The following GSK3B variants were observed in gnomAD, a reference collection of about 807,000 sequenced individuals.
GSK3B encodes the protein glycogen synthase kinase 3 beta.
In GSK3B, 15 loss-of-function variants were observed where a neutral mutation model predicts 56.4. The ratio of observed to expected loss-of-function variants is 0.27; its 90% confidence interval spans 0.18 to 0.41. The LOEUF is 0.41. GSK3B is among the 10% of genes least tolerant of loss of function. GSK3B has a pLI of 1.00. For synonymous variants in GSK3B, 181 were observed against 188.9 expected (o/e 0.96, Z 0.34); for missense variants, 300 against 513.4 (o/e 0.58, Z 4.02).
chr3:120,089,682 A>C (rs1041219348), intron 1 of GSK3B, among the ~76,000 whole-genome samples: 9 of 152,232 alleles, frequency 5.9e-5, no homozygotes, highest in Non-Finnish European at 1.3e-4. Context: ...TATTAAACCT[A>C]AACAACTAGC....
chr3:119,844,153 C>A (rs1465045508), intron 9 of GSK3B, among the ~76,000 whole-genome samples: 3 of 152,152 alleles, frequency 2.0e-5, no homozygotes, highest in South Asian at 2.1e-4. Context: ...ATACCAGAAT[C>A]TCTGGGACAC....
intron 7 of GSK3B, among the ~76,000 whole-genome samples, chr3:119,904,092 A>G (rs1365648668): frequency 6.6e-6 from 1 of 151,916 alleles, no homozygotes; most frequent in Non-Finnish European, 1.5e-5. Flanking sequence ...AAATAAAAAT[A>G]AAAAAAAGAC....
chr3:119,869,691 T>A (rs1281109219), intron 8 of GSK3B, among the ~76,000 whole-genome samples: 1 of 152,210 alleles, frequency 6.6e-6, no homozygotes, highest in African/African-American at 2.4e-5. Flanking sequence ...AAACTGTGAC[T>A]TTTAGTGAAA....
chr3:119,827,411 T>A (rs147582905), intron 10 of GSK3B, among the ~76,000 whole-genome samples: 1 of 151,974 alleles, frequency 6.6e-6, no homozygotes, highest in African/African-American at 2.4e-5. Flanking sequence ...TAATAAAGCA[T>A]CTTGTATCAA....
At chr3:119,997,838 A>G (rs746871829) in intron 2 of GSK3B, among the ~76,000 whole-genome samples, 188 of 152,328 alleles carry the variant, frequency 1.2e-3, no homozygotes, top group Middle Eastern at 0.01. Flanking sequence ...TTTGCCCACC[A>G]GTGGGAAAAG....
intron 1 of GSK3B, among the ~76,000 whole-genome samples, chr3:120,077,937 T>A (rs1013331539): frequency 9.5e-5 from 14 of 147,246 alleles, no homozygotes; most frequent in Admixed American, 3.3e-4. Flanking sequence ...AAAAATATAT[T>A]TTTTTTAACC....
At chr3:120,022,951 T>C (rs1185544136) in intron 1 of GSK3B, among the ~76,000 whole-genome samples, 1 of 152,226 alleles carries the variant, frequency 6.6e-6, no homozygotes, top group Admixed American at 6.5e-5. Flanking sequence ...TTACTCATTA[T>C]TCGCAGTGTC....
chr3:119,929,732 G>C (rs142558112), intron 3 of GSK3B, among the ~76,000 whole-genome samples: 1 of 151,522 alleles, frequency 6.6e-6, no homozygotes, highest in Non-Finnish European at 1.5e-5. Flanking sequence ...GAGAAATCCC[G>C]TCTCTACTAA....
intron 7 of GSK3B, among the ~76,000 whole-genome samples, chr3:119,888,128 C>G (rs1320256840): frequency 6.6e-6 from 1 of 152,084 alleles, no homozygotes; most frequent in South Asian, 2.1e-4. Flanking sequence ...GCATTCTGAT[C>G]TACACAAAGG....
Position 119,890,145 on chromosome 3 carries a change from G to A in GSK3B, c.814-13637C>T, listed in dbSNP as rs2056485704. Reference sequence around the variant, plus strand: ...ATTTCAGCCCTACTTTTTTATTCAAGAGAAATATAAACATATGTCTGCAAA... The same window carrying A: ...ATTTCAGCCCTACTTTTTTATTCAAAAGAAATATAAACATATGTCTGCAAA... On this transcript the variant is annotated intron_variant, in intron 7 of 10. Transcript: ENST00000264235. 2.0e-5 allele frequency among the ~76,000 whole-genome samples: 3 copies of A among 151,994 alleles called. No homozygotes were observed. The East Asian group carries it at 5.8e-4, about 29-fold the overall frequency.
intron 2 of GSK3B, among the ~76,000 whole-genome samples, chr3:119,985,549 C>T (rs2057507750): frequency 6.6e-6 from 1 of 152,166 alleles, no homozygotes; most frequent in South Asian, 2.1e-4. Flanking sequence ...AACAGACCAA[C>T]AGAGAGCCAA....
chr3:120,015,289 C>T (rs1170640608), intron 1 of GSK3B, among the ~76,000 whole-genome samples: 1 of 152,196 alleles, frequency 6.6e-6, no homozygotes, highest in Non-Finnish European at 1.5e-5. Flanking sequence ...TGTGCCCTAT[C>T]ACGGTACTTA....
intron 2 of GSK3B, among the ~76,000 whole-genome samples, chr3:119,977,707 T>C (rs763100092): frequency 6.6e-6 from 1 of 152,182 alleles, no homozygotes. Context: ...TAAATGGCTA[T>C]ATAAAATACT....
intron 1 of GSK3B, among the ~76,000 whole-genome samples, chr3:120,005,635 G>T (rs1038409189): frequency 6.6e-6 from 1 of 152,170 alleles, no homozygotes; most frequent in African/African-American, 2.4e-5. Flanking sequence ...CATTCTTAAA[G>T]AAAAGAATTT....
chr3:120,047,681 GAACAGAATGATGAGCAAAAC>G (rs1299758588), intron 1 of GSK3B, among the ~76,000 whole-genome samples: 1 of 152,162 alleles, frequency 6.6e-6, no homozygotes, highest in Non-Finnish European at 1.5e-5. Flanking sequence ...CTGAGCAATG[GAACAGAATGATGAGCAAAAC>G]CAAGTTTAAA....
intron 9 of GSK3B, among the ~76,000 whole-genome samples, chr3:119,849,636 T>C (rs1308626189): frequency 6.6e-6 from 1 of 152,104 alleles, no homozygotes; most frequent in East Asian, 1.9e-4. Context: ...CCACAGCAGT[T>C]TTGTGTCTTA....
At chr3:119,827,251 G>A (rs1476552150) in intron 10 of GSK3B, among the ~76,000 whole-genome samples, 3 of 152,192 alleles carry the variant, frequency 2.0e-5, no homozygotes, top group African/African-American at 7.2e-5. Context: ...TATGCCATCT[G>A]CTTAAGTAAG....
intron 7 of GSK3B, among the ~76,000 whole-genome samples, chr3:119,898,502 C>T (rs1319627127): frequency 6.6e-6 from 1 of 152,090 alleles, no homozygotes; most frequent in African/African-American, 2.4e-5. Context: ...CTGGTAGACA[C>T]AAATTTTTAC....
intron 9 of GSK3B, among the ~76,000 whole-genome samples, chr3:119,861,520 A>C (rs140662893): frequency 0.014 from 2,131 of 151,874 alleles, 59 homozygotes; most frequent in East Asian, 0.13. Flanking sequence ...CAAAAAAAAA[A>C]AAAACAAAAC....
Sources: allele counts gnomAD v4.1 joint callset (sites outside exome capture counted in the v4.1 genomes callset), GRCh38; gene constraint gnomAD v4.1.1; transcripts MANE v1.5; gene names NCBI Gene and HGNC (gene_info 2026-07-23, HGNC 2026-07-21).